Variants in UNC13C observed in about 807,000 individuals in gnomAD.
UNC13C encodes unc-13 homolog C.
In UNC13C, 174 loss-of-function variants were observed where a neutral mutation model predicts 245.4. That is an observed-to-expected ratio of 0.71 (90% confidence interval 0.63 to 0.80). The LOEUF (loss-of-function observed/expected upper bound fraction) is 0.80. UNC13C is among the 30% of genes least tolerant of loss of function. UNC13C has a pLI of 0.00. For missense variants in UNC13C, 2,829 were observed against 2,602.9 expected (o/e 1.09, Z -1.89); for synonymous variants, 992 against 895.1 (o/e 1.11, Z -1.93).
chr15:54,620,176 A>G (rs1197490431), intron 30 of UNC13C, among the ~76,000 whole-genome samples: 1 of 152,150 alleles, frequency 6.6e-6, no homozygotes, highest in Non-Finnish European at 1.5e-5. Context: ...AGGTTTCAGA[A>G]AAGTGTTCAG....
the UNC13C span, among the ~76,000 whole-genome samples, chr15:53,930,517 G>A: frequency 6.6e-6 from 1 of 152,138 alleles, no homozygotes; most frequent in Non-Finnish European, 1.5e-5. Context: ...TCTTTCTAGG[G>A]CAGTGGTAAA....
At chr15:54,479,008 A>G (rs1892939818) in intron 19 of UNC13C, among the ~76,000 whole-genome samples, 1 of 152,140 alleles carries the variant, frequency 6.6e-6, no homozygotes, top group African/African-American at 2.4e-5. Flanking sequence ...TATTGGGTGC[A>G]TATATATGGG....
At chr15:54,449,860 A>G (rs1891069570) in intron 19 of UNC13C, among the ~76,000 whole-genome samples, 1 of 151,978 alleles carries the variant, frequency 6.6e-6, no homozygotes, top group African/African-American at 2.4e-5. Context: ...TGATTTTTAG[A>G]ATTTTCAGTT....
intron 4 of UNC13C, among the ~76,000 whole-genome samples, chr15:54,192,937 TGAAAG>T (rs1399170642): frequency 6.6e-6 from 1 of 151,760 alleles, no homozygotes; most frequent in African/African-American, 2.4e-5. Context: ...AACAATAAGA[TGAAAG>T]GAAAAAGAAA....
At chr15:53,898,796 G>T in the UNC13C span, among the ~76,000 whole-genome samples, 150,321 of 152,354 alleles carry the variant, frequency 0.99, 74,186 homozygotes, top group Middle Eastern at 1. Flanking sequence ...TAAGAATACT[G>T]AGTATCTACT....
intron 17 of UNC13C, among the ~76,000 whole-genome samples, chr15:54,354,910 T>TG (rs1320261613): frequency 2.0e-5 from 3 of 152,106 alleles, no homozygotes; most frequent in African/African-American, 7.2e-5. Context: ...CCTTAAGAGG[T>TG]GATTGGGCCA....
At chr15:53,934,064 G>C in the UNC13C span, among the ~76,000 whole-genome samples, 1 of 152,304 alleles carries the variant, frequency 6.6e-6, no homozygotes, top group Non-Finnish European at 1.5e-5. Context: ...AAAGGCAAAA[G>C]GAGAGCCAGC....
chr15:54,424,243 G>T (rs1261750144), intron 19 of UNC13C, among the ~76,000 whole-genome samples: 1 of 151,770 alleles, frequency 6.6e-6, no homozygotes, highest in East Asian at 1.9e-4. Context: ...TAATATTTCG[G>T]TAAAAAAATC....
At chr15:54,222,103 A>G (rs1312630000) in intron 4 of UNC13C, among the ~76,000 whole-genome samples, 1 of 152,106 alleles carries the variant, frequency 6.6e-6, no homozygotes, top group African/African-American at 2.4e-5. Flanking sequence ...TTGTGTTACA[A>G]ACAATTCGAT....
chr15:54,049,334 T>G (rs898487513), intron 2 of UNC13C: 2 of 511,414 alleles, frequency 3.9e-6, no homozygotes, highest in African/African-American at 4.0e-5. Context: ...AAATCGATAC[T>G]ACTAACATCT....
At chr15:54,000,104 A>G (rs995091426) in intron 1 of UNC13C, among the ~76,000 whole-genome samples, 1 of 152,116 alleles carries the variant, frequency 6.6e-6, no homozygotes, top group Non-Finnish European at 1.5e-5. Flanking sequence ...AAATTGCTTG[A>G]GACAAGCAAT....
In UNC13C at chr15:54,627,055, T is replaced by C. The variant is rs146433220; in HGVS notation, c.6587T>C (p.Val2196Ala). 2.9e-3 allele frequency: 4,691 copies of C among 1,613,128 alleles called. 16 individuals carry two copies. Among genetic ancestry groups the C allele is most frequent in the Middle Eastern group, 6.6e-3 (40 of 6,050 alleles). ...CTCTCTCAGAGGACCAGTGATGATG[T>C]GGCTAAAGAATTTGTAAGACTTAAA... ...RILSQRTSDD[V>A]AKEFVRLKSE... The change falls in exon 33 of 33, where the codon GTG (valine) becomes GCG (alanine). Residue 2196 changes from valine (V) to alanine (A), a missense_variant. Transcript: ENST00000260323.
intron 7 of UNC13C, among the ~76,000 whole-genome samples, chr15:54,241,744 C>A (rs1278551296): frequency 6.6e-6 from 1 of 152,188 alleles, no homozygotes; most frequent in African/African-American, 2.4e-5. Flanking sequence ...GCCGGCATGG[C>A]AGGTGGCCAT....
intron 10 of UNC13C, among the ~76,000 whole-genome samples, chr15:54,284,224 A>T (rs181557016): frequency 1.3e-5 from 2 of 152,214 alleles, no homozygotes; most frequent in African/African-American, 4.8e-5. Flanking sequence ...TCAAACATAC[A>T]TCCAAAGTGG....
chr15:54,598,973 C>A (rs1465662489), intron 30 of UNC13C, among the ~76,000 whole-genome samples: 1 of 152,034 alleles, frequency 6.6e-6, no homozygotes, highest in Non-Finnish European at 1.5e-5. Context: ...ATCAATTGTG[C>A]TATGGTAAAA....
the UNC13C span, among the ~76,000 whole-genome samples, chr15:53,863,587 CAG>C: frequency 6.6e-6 from 1 of 152,064 alleles, no homozygotes; most frequent in Non-Finnish European, 1.5e-5. Flanking sequence ...TGTCAACAAT[CAG>C]AGATTTGTGC....
At chr15:53,897,465 G>A in the UNC13C span, among the ~76,000 whole-genome samples, 1 of 152,092 alleles carries the variant, frequency 6.6e-6, no homozygotes. Flanking sequence ...TTTTTGTAGG[G>A]ATGAGGGTCT....
chr15:54,325,893 G>A (rs1261815822), intron 14 of UNC13C, among the ~76,000 whole-genome samples: 2 of 151,950 alleles, frequency 1.3e-5, no homozygotes, highest in Non-Finnish European at 2.9e-5. Context: ...ATCTGCTTGG[G>A]TAGGGATTTT....
chr15:54,528,450 T>C (rs1895586611), intron 25 of UNC13C, among the ~76,000 whole-genome samples: 2 of 152,038 alleles, frequency 1.3e-5, no homozygotes, highest in African/African-American at 4.8e-5. Flanking sequence ...GCTCCGAAAA[T>C]CTTTAATTAT....
Sources: allele counts gnomAD v4.1 joint callset (sites outside exome capture counted in the v4.1 genomes callset), GRCh38; gene constraint gnomAD v4.1.1; transcripts MANE v1.5; gene names NCBI Gene and HGNC (gene_info 2026-07-23, HGNC 2026-07-21).